Variants in CSMD1 observed in about 807,000 individuals in gnomAD.
CSMD1 encodes CUB and Sushi multiple domains 1.
A neutral mutation model predicts 417.5 loss-of-function variants in CSMD1; 213 were observed. That is an observed-to-expected ratio of 0.51 (90% confidence interval 0.46 to 0.57). The LOEUF is 0.57. Ranked by LOEUF, CSMD1 falls within the 20% of genes least tolerant of loss-of-function variation. CSMD1 has a pLI of 0.00. For synonymous variants in CSMD1, 2,862 were observed against 1,736.8 expected (o/e 1.65, Z -16.11); for missense variants, 6,923 against 4,529.7 (o/e 1.53, Z -15.17).
intron 54 of CSMD1, among the ~76,000 whole-genome samples, chr8:2,980,357 C>T (rs1328152624): frequency 2.6e-5 from 4 of 151,642 alleles, no homozygotes; most frequent in Non-Finnish European, 5.9e-5. Context: ...TCCTCCTCCA[C>T]CTCTGTGTCC....
chr8:3,807,624 T>C (rs1273373622), intron 5 of CSMD1, among the ~76,000 whole-genome samples: 1 of 152,228 alleles, frequency 6.6e-6, no homozygotes, highest in South Asian at 2.1e-4. Context: ...TGTGTTTCAG[T>C]TGTGTTTTCA....
At chr8:4,664,613 G>C (rs913342969) in intron 1 of CSMD1, among the ~76,000 whole-genome samples, 2 of 152,050 alleles carry the variant, frequency 1.3e-5, no homozygotes, top group Non-Finnish European at 2.9e-5. Context: ...TAAAGGAAAA[G>C]AAAATGTTTT....
intron 3 of CSMD1, among the ~76,000 whole-genome samples, chr8:4,144,387 A>T (rs978213348): frequency 2.6e-5 from 4 of 151,068 alleles, no homozygotes; most frequent in Non-Finnish European, 5.9e-5. Context: ...TTAGAACTTA[A>T]TTTATCTTTT....
At position 4,650,250 on chromosome 8, in the gene CSMD1, C is replaced by T. The variant is rs1446880818; in HGVS notation, c.86-12692G>A. On this transcript the variant is annotated intron_variant, in intron 1 of 69. Transcript: ENST00000635120. ...GTCCCAGCTACTCGGGAGGCTGAGG[C>T]AGGAGAATGGCGTGAACCCGGGAGG... 2.8e-5 allele frequency among the ~76,000 whole-genome samples: 4 copies of T among 145,436 alleles called. No individual in the cohort carries two copies. The East Asian group carries it at 8.2e-4, about 30-fold the overall frequency.
intron 54 of CSMD1, among the ~76,000 whole-genome samples, chr8:2,990,575 C>T (rs916182936): frequency 6.6e-6 from 1 of 152,140 alleles, no homozygotes; most frequent in Admixed American, 6.5e-5. Flanking sequence ...GACCAGACCA[C>T]CCACATTATC....
At position 4,765,187 on chromosome 8, in the gene CSMD1, T is replaced by G. The variant is rs1240113355; in HGVS notation, c.86-127629A>C. On this transcript the variant is annotated intron_variant, in intron 1 of 69. Coordinates refer to ENST00000635120, the MANE Select transcript of CSMD1 (RefSeq NM_033225.6). ...TTTTTTCTTTATTTTTTAGAAACTG[T>G]GTTCTTCCGTCTCATAAAAAAAATG... Among the ~76,000 whole-genome samples the G allele has an allele frequency of 3.3e-5, 5 of 152,142 alleles. No homozygotes were observed. The East Asian group carries it at 9.6e-4, about 29-fold the overall frequency.
intron 5 of CSMD1, among the ~76,000 whole-genome samples, chr8:3,954,083 T>A: frequency 6.6e-6 from 1 of 152,086 alleles, no homozygotes; most frequent in East Asian, 1.9e-4. Flanking sequence ...TCTAGGAAGC[T>A]CGTGCAGGGG....
chr8:3,067,950 T>C (rs1813055051), intron 49 of CSMD1, among the ~76,000 whole-genome samples: 1 of 152,198 alleles, frequency 6.6e-6, no homozygotes, highest in African/African-American at 2.4e-5. Context: ...AGCCAGACTC[T>C]AATCCAAATG....
intron 12 of CSMD1, among the ~76,000 whole-genome samples, chr8:3,432,448 T>C (rs1273115805): frequency 6.6e-6 from 1 of 152,052 alleles, no homozygotes; most frequent in Non-Finnish European, 1.5e-5. Flanking sequence ...AAATGATAAT[T>C]TTTAGAAAAG....
At chr8:4,094,830 A>C (rs1800915435) in intron 3 of CSMD1, among the ~76,000 whole-genome samples, 1 of 152,196 alleles carries the variant, frequency 6.6e-6, no homozygotes, top group Non-Finnish European at 1.5e-5. Context: ...CTTATCAAGG[A>C]AATAAAGGTG....
intron 23 of CSMD1, among the ~76,000 whole-genome samples, chr8:3,314,773 T>A (rs1805620838): frequency 6.6e-6 from 1 of 152,258 alleles, no homozygotes; most frequent in Non-Finnish European, 1.5e-5. Flanking sequence ...ATATTAGAGT[T>A]CTATGAGACT....
At chr8:3,572,413 G>C (rs549792980) in intron 10 of CSMD1, among the ~76,000 whole-genome samples, 1 of 152,152 alleles carries the variant, frequency 6.6e-6, no homozygotes, top group Non-Finnish European at 1.5e-5. Context: ...ACAGGCAGCA[G>C]ACGCAGGGAG....
intron 5 of CSMD1, among the ~76,000 whole-genome samples, chr8:3,875,731 G>C (rs1002160382): frequency 2.6e-5 from 4 of 152,188 alleles, no homozygotes; most frequent in Admixed American, 6.5e-5. Context: ...ATTGAGGAAA[G>C]AAAGGCAGTC....
intron 5 of CSMD1, among the ~76,000 whole-genome samples, chr8:3,904,398 A>C (rs1020404776): frequency 1.3e-5 from 2 of 152,124 alleles, no homozygotes; most frequent in African/African-American, 4.8e-5. Context: ...TCTTTATTGC[A>C]ATGGACCTAT....
At chr8:3,010,812 C>T (rs567148635) in intron 52 of CSMD1, among the ~76,000 whole-genome samples, 20 of 150,752 alleles carry the variant, frequency 1.3e-4, no homozygotes, top group East Asian at 5.9e-4. Context: ...GGCATGATCT[C>T]GGCTCACTGC....
intron 3 of CSMD1, among the ~76,000 whole-genome samples, chr8:4,107,399 C>T (rs1801623382): frequency 1.3e-5 from 2 of 152,178 alleles, no homozygotes; most frequent in Admixed American, 6.5e-5. Flanking sequence ...AAATCACTCG[C>T]TCCACAGCAG....
At chr8:4,284,784 A>C (rs1201027009) in intron 3 of CSMD1, among the ~76,000 whole-genome samples, 1 of 152,118 alleles carries the variant, frequency 6.6e-6, no homozygotes, top group African/African-American at 2.4e-5. Flanking sequence ...CTCTTTCCAA[A>C]AACCACACAT....
intron 46 of CSMD1, among the ~76,000 whole-genome samples, chr8:3,105,218 AG>A (rs1361842982): frequency 2.0e-5 from 3 of 152,232 alleles, no homozygotes; most frequent in Admixed American, 2.0e-4. Flanking sequence ...TGCACAGTGC[AG>A]GGAAGAGTGA....
intron 2 of CSMD1, among the ~76,000 whole-genome samples, chr8:4,634,365 C>T (rs1204670103): frequency 2.0e-5 from 3 of 151,848 alleles, no homozygotes; most frequent in African/African-American, 7.3e-5. Flanking sequence ...TTAAATCTGC[C>T]TCTTAAGTTT....
Sources: allele counts gnomAD v4.1 joint callset (sites outside exome capture counted in the v4.1 genomes callset), GRCh38; gene constraint gnomAD v4.1.1; transcripts MANE v1.5; gene names NCBI Gene and HGNC (gene_info 2026-07-23, HGNC 2026-07-21).